The following ROBO2 variants were observed in gnomAD, a reference collection of about 807,000 sequenced individuals.
ROBO2 encodes the protein roundabout guidance receptor 2.
A neutral mutation model predicts 160.8 loss-of-function variants in ROBO2; 53 were observed. The ratio of observed to expected loss-of-function variants is 0.33; its 90% CI spans 0.26 to 0.41. The LOEUF (loss-of-function observed/expected upper bound fraction) is 0.41. Ranked by LOEUF, ROBO2 falls within the 10% of genes least tolerant of loss-of-function variation. The pLI, the probability that ROBO2 is intolerant of heterozygous loss-of-function variation, is 1.00. For synonymous variants in ROBO2, 664 were observed against 611.7 expected, an observed-to-expected ratio of 1.09 and a Z score of -1.26; for missense variants, 1,577 against 1,722.4, an observed-to-expected ratio of 0.92 and a Z score of 1.49.
intron 2 of ROBO2, among the ~76,000 whole-genome samples, chr3:77,418,756 G>C (rs1442872157): frequency 6.6e-6 from 1 of 152,052 alleles, no homozygotes; most frequent in Admixed American, 6.6e-5. Flanking sequence ...AGAGAATACA[G>C]TATTTGTTGC....
At chr3:77,210,298 T>C (rs1355212131) in intron 2 of ROBO2, among the ~76,000 whole-genome samples, 1 of 152,146 alleles carries the variant, frequency 6.6e-6, no homozygotes, top group African/African-American at 2.4e-5. Flanking sequence ...TCCTAAATTA[T>C]GTTCAAAAAT....
intron 2 of ROBO2, among the ~76,000 whole-genome samples, chr3:76,638,318 A>G (rs1560282510): frequency 6.6e-6 from 1 of 152,208 alleles, no homozygotes; most frequent in African/African-American, 2.4e-5. Flanking sequence ...TGCTCATTCC[A>G]TTTTTTAAAC....
intron 2 of ROBO2, among the ~76,000 whole-genome samples, chr3:77,004,425 G>C (rs183836453): frequency 4.7e-4 from 71 of 152,322 alleles, no homozygotes; most frequent in Non-Finnish European, 9.0e-4. Context: ...ATTGGAAGTA[G>C]AAGGAGAGAC....
At chr3:77,098,706 A>T (rs926935273) in intron 2 of ROBO2, among the ~76,000 whole-genome samples, 2 of 151,908 alleles carry the variant, frequency 1.3e-5, no homozygotes, top group Admixed American at 6.6e-5. Context: ...AGAAAAAAAA[A>T]ATTATCCGGG....
intron 2 of ROBO2, among the ~76,000 whole-genome samples, chr3:77,443,510 C>G (rs1006314059): frequency 6.6e-6 from 1 of 152,040 alleles, no homozygotes; most frequent in Admixed American, 6.6e-5. Context: ...TACCATGAAA[C>G]AGTATGTCAA....
chr3:77,039,277 T>C (rs2063834923), upstream of ROBO2, among the ~76,000 whole-genome samples: 1 of 152,202 alleles, frequency 6.6e-6, no homozygotes, highest in Non-Finnish European at 1.5e-5. Context: ...TTCCTTTCCT[T>C]TCCTTTCCTT....
intron 2 of ROBO2, among the ~76,000 whole-genome samples, chr3:76,925,945 G>C (rs1023563825): frequency 6.6e-6 from 1 of 152,196 alleles, no homozygotes; most frequent in Non-Finnish European, 1.5e-5. Flanking sequence ...ATGAGTAAGT[G>C]GAATGATGAC....
chr3:76,485,407 C>A (rs923142600), intron 2 of ROBO2, among the ~76,000 whole-genome samples: 4 of 152,052 alleles, frequency 2.6e-5, no homozygotes, highest in Non-Finnish European at 4.4e-5. Flanking sequence ...GGTAATGTGA[C>A]CAATGGGGAG....
intron 2 of ROBO2, among the ~76,000 whole-genome samples, chr3:76,377,671 G>A (rs1317215694): frequency 3.3e-5 from 5 of 152,164 alleles, no homozygotes; most frequent in African/African-American, 1.2e-4. Context: ...AAAGTTCATA[G>A]ATGTTTACTG....
At chr3:77,312,321 A>G (rs1234209987) in intron 2 of ROBO2, among the ~76,000 whole-genome samples, 1 of 152,148 alleles carries the variant, frequency 6.6e-6, no homozygotes, top group Non-Finnish European at 1.5e-5. Context: ...GTATGCTTTC[A>G]TCTCCATCTT....
chr3:76,244,416 A>G (rs142719858), intron 2 of ROBO2, among the ~76,000 whole-genome samples: 6,180 of 152,290 alleles, frequency 0.041, 151 homozygotes, highest in South Asian at 0.082. Context: ...GGTGGACAGG[A>G]GGTTTGAACT....
At chr3:77,449,706 C>A (rs544548037) in intron 2 of ROBO2, among the ~76,000 whole-genome samples, 20 of 152,126 alleles carry the variant, frequency 1.3e-4, no homozygotes, top group African/African-American at 4.6e-4. Context: ...ATTAGGTGTG[C>A]TTTATATGAC....
chr3:76,379,653 A>G (rs907597260), intron 2 of ROBO2, among the ~76,000 whole-genome samples: 2 of 152,308 alleles, frequency 1.3e-5, no homozygotes, highest in African/African-American at 2.4e-5. Context: ...TTCAAGATAA[A>G]ATATGCAAAA....
At chr3:77,431,087 A>G (rs2078722513) in intron 2 of ROBO2, among the ~76,000 whole-genome samples, 1 of 152,214 alleles carries the variant, frequency 6.6e-6, no homozygotes, top group South Asian at 2.1e-4. Context: ...CGTTAGAATC[A>G]ATTAGAAATG....
chr3:76,848,623 C>CAAG (rs1332403078), intron 2 of ROBO2, among the ~76,000 whole-genome samples: 2 of 152,166 alleles, frequency 1.3e-5, no homozygotes, highest in Non-Finnish European at 2.9e-5. Context: ...GGGGTAAGAT[C>CAAG]AAGATGCTGG....
chr3:76,998,994 A>G (rs1220023676), intron 2 of ROBO2, among the ~76,000 whole-genome samples: 2 of 152,260 alleles, frequency 1.3e-5, no homozygotes, highest in African/African-American at 2.4e-5. Flanking sequence ...TAATATTTAT[A>G]TACAAAATCA....
rs528444913 is a variant in ROBO2, at chr3:76,747,055, A to G, written c.110-350959A>G. Among the ~76,000 whole-genome samples the G allele has an allele frequency of 3.9e-5, 6 of 152,132 alleles. No homozygotes were observed. In the East Asian group the frequency reaches 9.7e-4, roughly 25 times the overall value. ...ATTTTCTTTATCCAGTCTATCATTG[A>G]TGGGCATTTGGGTTGATTCCATGTC... On this transcript the variant is annotated intron_variant, in intron 2 of 26. Coordinates refer to the ROBO2 transcript ENST00000487694.
At chr3:76,124,683 C>T (rs563677204) in intron 2 of ROBO2, among the ~76,000 whole-genome samples, 1 of 152,026 alleles carries the variant, frequency 6.6e-6, no homozygotes, top group East Asian at 1.9e-4. Flanking sequence ...CATGGTAATT[C>T]AATAAAGTTA....
At chr3:77,592,663 T>C (rs573937267) in intron 17 of ROBO2, among the ~76,000 whole-genome samples, 2 of 152,266 alleles carry the variant, frequency 1.3e-5, no homozygotes, top group East Asian at 3.9e-4. Context: ...GCAATTCTCC[T>C]ACCTCAGCCT....
Sources: allele counts gnomAD v4.1 joint callset (sites outside exome capture counted in the v4.1 genomes callset), GRCh38; gene constraint gnomAD v4.1.1; transcripts MANE v1.5; gene names NCBI Gene and HGNC (gene_info 2026-07-23, HGNC 2026-07-21).